LOC400499: variants seen among roughly 807,000 people sequenced by gnomAD.
the LOC400499 span, among the ~76,000 whole-genome samples, chr16:11,459,254 T>C: frequency 7.3e-6 from 1 of 137,652 alleles, no homozygotes; most frequent in Non-Finnish European, 1.5e-5. Context: ...CAGACTGCAG[T>C]GGTGCGATCT....
At chr16:11,431,760 G>A in the LOC400499 span, among the ~76,000 whole-genome samples, 1 of 152,158 alleles carries the variant, frequency 6.6e-6, no homozygotes, top group Non-Finnish European at 1.5e-5. Flanking sequence ...GTGAAACAGT[G>A]TGTTTGCACC....
chr16:11,380,295 ACT>A, the LOC400499 span, among the ~76,000 whole-genome samples: 2 of 151,508 alleles, frequency 1.3e-5, no homozygotes, highest in African/African-American at 4.9e-5. Context: ...TGCATAATGA[ACT>A]CTCTCAGCTT....
At chr16:11,505,445 CTTTTT>C in the LOC400499 span, among the ~76,000 whole-genome samples, 25 of 71,956 alleles carry the variant, frequency 3.5e-4, no homozygotes, top group African/African-American at 1.1e-3. Context: ...TTTTTCTTTT[CTTTTT>C]TTTTTTTTTT....
At chr16:11,482,404 G>T in the LOC400499 span, among the ~76,000 whole-genome samples, 1 of 152,184 alleles carries the variant, frequency 6.6e-6, no homozygotes, top group East Asian at 1.9e-4. Flanking sequence ...GGTCCTACGA[G>T]AATCTCTGTA....
At chr16:11,447,945 G>C in the LOC400499 span, 4 of 1,535,570 alleles carry the variant, frequency 2.6e-6, no homozygotes, top group East Asian at 2.4e-5. Context: ...TAAGGAGCAA[G>C]GCCCCCCGTT....
chr16:11,463,556 G>C, the LOC400499 span, among the ~76,000 whole-genome samples: 1 of 152,286 alleles, frequency 6.6e-6, no homozygotes, highest in South Asian at 2.1e-4. Context: ...ATGGACGTGT[G>C]TGTGAACGTA....
the LOC400499 span, among the ~76,000 whole-genome samples, chr16:11,468,566 TCCTCCCAACTTGG>T: frequency 5.3e-5 from 8 of 152,240 alleles, no homozygotes; most frequent in African/African-American, 1.9e-4. Context: ...CCTCAAGTGA[TCCTCCCAACTTGG>T]CCTCCCAACT....
the LOC400499 span, chr16:11,518,824 T>C: frequency 2.5e-6 from 1 of 399,002 alleles, no homozygotes; most frequent in East Asian, 3.6e-5. Context: ...GCCCGACAGC[T>C]GTTGAAAGAC....
At chr16:11,445,282 G>A in the LOC400499 span, among the ~76,000 whole-genome samples, 1 of 152,036 alleles carries the variant, frequency 6.6e-6, no homozygotes, top group Non-Finnish European at 1.5e-5. Flanking sequence ...TTAGCCAGGA[G>A]TGGGAATGCA....
At chr16:11,461,552 C>G in the LOC400499 span, among the ~76,000 whole-genome samples, 4 of 152,240 alleles carry the variant, frequency 2.6e-5, no homozygotes, top group South Asian at 4.1e-4. Flanking sequence ...CAAAATCGAA[C>G]AGGACAGAAG....
chr16:11,383,318 C>G, the LOC400499 span, among the ~76,000 whole-genome samples: 5 of 152,140 alleles, frequency 3.3e-5, no homozygotes, highest in African/African-American at 4.8e-5. Context: ...GCACCCACCT[C>G]AGCCTCCCAA....
chr16:11,493,227 T>C, the LOC400499 span, among the ~76,000 whole-genome samples: 1 of 152,166 alleles, frequency 6.6e-6, no homozygotes, highest in Non-Finnish European at 1.5e-5. Flanking sequence ...AGAGAACTCT[T>C]TTAGACTCTG....
At chr16:11,498,730 A>G in the LOC400499 span, among the ~76,000 whole-genome samples, 101,259 of 150,796 alleles carry the variant, frequency 0.67, 34,117 homozygotes, top group Admixed American at 0.74. Flanking sequence ...ATGGAACATC[A>G]CATGTGAGGC....
the LOC400499 span, among the ~76,000 whole-genome samples, chr16:11,415,301 G>A: frequency 1.3e-5 from 2 of 152,322 alleles, no homozygotes; most frequent in African/African-American, 4.8e-5. Context: ...AGATGGCGCC[G>A]ATTCTGTATC....
At chr16:11,423,237 G>A in the LOC400499 span, 1 of 399,230 alleles carries the variant, frequency 2.5e-6, no homozygotes. Context: ...GGTGGGCGAG[G>A]CGTCTCCACT....
the LOC400499 span, chr16:11,494,505 A>G: frequency 1.9e-5 from 5 of 266,142 alleles, no homozygotes; most frequent in Non-Finnish European, 3.4e-5. Context: ...CTCCACCTGG[A>G]GCTTGCCTGA....
the LOC400499 span, chr16:11,500,991 A>G: frequency 1.0e-4 from 41 of 398,916 alleles, no homozygotes; most frequent in Non-Finnish European, 8.8e-6. Context: ...AAGGCGACCC[A>G]CACGTGCTGA....
the LOC400499 span, chr16:11,399,783 C>T: frequency 1.5e-5 from 6 of 398,726 alleles, no homozygotes; most frequent in South Asian, 1.3e-4. Context: ...GCTGCAGCGT[C>T]GCAGGTTGTC....
chr16:11,463,882 T>C, the LOC400499 span, among the ~76,000 whole-genome samples: 20 of 152,234 alleles, frequency 1.3e-4, no homozygotes, highest in African/African-American at 4.6e-4. Flanking sequence ...GATGCGTGCA[T>C]ATGAATGTGT....
Sources: allele counts gnomAD v4.1 joint callset (sites outside exome capture counted in the v4.1 genomes callset), GRCh38; gene constraint gnomAD v4.1.1; transcripts MANE v1.5.